Variants in LRRK1 observed in about 807,000 individuals in gnomAD.
LRRK1 encodes the protein leucine rich repeat kinase 1.
In LRRK1, 113 loss-of-function variants were observed where a neutral mutation model predicts 209.1. The observed-to-expected ratio is 0.54, with a 90% confidence interval of 0.46 to 0.63. The LOEUF is 0.63. Ranked by LOEUF, LRRK1 falls within the 30% of genes least tolerant of loss-of-function variation. The pLI is 0.00. For missense variants in LRRK1, 2,284 were observed against 2,632.2 expected, an observed-to-expected ratio of 0.87 and a Z score of 2.89; for synonymous variants, 1,144 against 1,099.7, an observed-to-expected ratio of 1.04 and a Z score of -0.80.
intron 17 of LRRK1, 115 bp downstream of exon 17, chr15:101,026,252 G>C: frequency 1.0e-6 from 1 of 966,052 alleles, no homozygotes. Flanking sequence ...CCCCTTTCCT[G>C]GCCAAGGGTG....
At chr15:100,995,833 T>C (rs1230621926) in intron 6 of LRRK1, among the ~76,000 whole-genome samples, 1 of 152,240 alleles carries the variant, frequency 6.6e-6, no homozygotes, top group African/African-American at 2.4e-5. Context: ...ATGGGGAAAT[T>C]ATTAATTTCC....
At chr15:100,972,361 AGAGT>A (rs1296360201) in intron 2 of LRRK1, among the ~76,000 whole-genome samples, 1,078 of 83,902 alleles carry the variant, frequency 0.013, 5 homozygotes, top group African/African-American at 0.045. Flanking sequence ...AGAGAGAGAG[AGAGT>A]GTGTGTGTGT....
chr15:101,071,534 C>T lies in LRRK1; in HGVS notation c.*2686C>T, dbSNP rs140052905. On this transcript the variant is annotated 3_prime_UTR_variant, in exon 34 of 34. Coordinates refer to ENST00000388948, the MANE Select transcript of LRRK1 (RefSeq NM_024652.6). ...CCTCCCGAGTAGCTGCGATTACAGG[C>T]GTGCACCACAATGCCTGGATAATTT... 2,977 of 152,340 alleles carry T rather than the reference C, an allele frequency of 0.02. 40 individuals are homozygous for T. The highest frequency in any genetic ancestry group is 0.029 in the Non-Finnish European group (1,961 of 68,078). 9.4% of individuals were successfully genotyped at this position (152,340 alleles called of 1,614,324 possible).
At position 101,058,626 on chromosome 15, in the gene LRRK1, G is replaced by GGGA. The variant is rs2035963983; in HGVS notation, c.4679+485_4679+486insGGA. On this transcript the variant is annotated intron_variant, in intron 29 of 33. Transcript: ENST00000388948. ...ATTGCAGAAGGGGCAACGGGGGGGG[G>GGGA]CGTCTAAACAGAGTTGGGGTTTTGC... 1.4e-5 allele frequency among the ~76,000 whole-genome samples: 2 copies of GGGA among 143,612 alleles called. 1 individual carries two copies. The highest frequency in any genetic ancestry group is 5.4e-5 in the African/African-American group (2 of 36,938). The allele number at this position is 143,612 out of a possible 152,430, so 94.2% of individuals were successfully genotyped here. A position where few individuals can be genotyped will look rare whatever the true frequency, so the allele number is the denominator to read the frequency against.
At chr15:101,067,318 G>A (rs1393932794) in intron 33 of LRRK1, 1 of 456,194 alleles carries the variant, frequency 2.2e-6, no homozygotes, top group Admixed American at 2.3e-5. Context: ...TTGCAGTGAT[G>A]TGAGGCTGGC....
At chr15:101,061,078 GT>G (rs2141153798) in intron 29 of LRRK1, 92 bp from the exon 30 acceptor site, 1 of 905,476 alleles carries the variant, frequency 1.1e-6, no homozygotes, top group South Asian at 1.4e-5. Context: ...AGCAGGGGAG[GT>G]AGACGAGGCT....
In LRRK1 at chr15:101,051,719, G is replaced by T; in HGVS notation, c.3448G>T (p.Ala1150Ser). 1 of 1,613,748 alleles carries T rather than the reference G, an allele frequency of 6.2e-7. No homozygotes were observed. The highest frequency in any genetic ancestry group is 1.7e-4 in the Middle Eastern group (1 of 6,060). Residue 1150 changes from alanine to serine, a missense_variant, in exon 24 of 34, where the codon GCC becomes TCC. Physicochemically the swap from Ala to Ser is moderately conservative, Grantham distance 99. Coordinates refer to ENST00000388948, the MANE Select transcript of LRRK1 (RefSeq NM_024652.6). ...LIDQWFPALT[A>S]TESDGTPLME... ...GCTCTGTCCTTATTTAGCCCTGACA[G>T]CCACAGAGAGCGACGGGACGCCACT... is the stretch of plus-strand genomic sequence containing the variant.
At chr15:101,036,086 CTGTT>C (rs1019713746) in intron 20 of LRRK1, among the ~76,000 whole-genome samples, 1 of 152,150 alleles carries the variant, frequency 6.6e-6, no homozygotes, top group Non-Finnish European at 1.5e-5. Context: ...TGCATTATCT[CTGTT>C]TGGGGATCTC....
chr15:101,064,061 G>A (rs78473311), intron 31 of LRRK1, among the ~76,000 whole-genome samples: 368 of 152,360 alleles, frequency 2.4e-3, no homozygotes, highest in African/African-American at 8.2e-3. Flanking sequence ...CCGCCAGCGC[G>A]AAGCCTGCAT....
intron 2 of LRRK1, among the ~76,000 whole-genome samples, chr15:100,946,063 C>T (rs1402463523): frequency 2.0e-5 from 3 of 152,058 alleles, no homozygotes; most frequent in Admixed American, 1.3e-4. Context: ...ATCAGGCCTA[C>T]CTAAGAACAC....
At chr15:101,025,168 G>T (rs535414704) in intron 16 of LRRK1, among the ~76,000 whole-genome samples, 1 of 152,260 alleles carries the variant, frequency 6.6e-6, no homozygotes, top group South Asian at 2.1e-4. Context: ...TAATTTCCCC[G>T]CTTCCCTTAA....
At chr15:100,983,887 A>G (rs1247894188) in intron 4 of LRRK1, 188 bp downstream of exon 4, 1 of 755,112 alleles carries the variant, frequency 1.3e-6, no homozygotes, top group Non-Finnish European at 2.4e-6. Context: ...CCATGAACTC[A>G]TAAGGGAAAT....
chr15:101,026,081 C>T lies in LRRK1; in HGVS notation c.2349C>T (p.Arg783=). 6.2e-7 allele frequency: 1 copy of T among 1,614,258 alleles called. No individual in the cohort carries two copies. Among genetic ancestry groups the T allele is most frequent in the Non-Finnish European group, 8.5e-7 (1 of 1,180,046 alleles). Residue 783 remains arginine, a synonymous_variant, in exon 17 of 34, where the codon CGC becomes CGT. Transcript: ENST00000388948. ...GTGCCTATGTGCTGGCACTCTGCCGCTCCCCCTCCGGCTCCAGGGCCACAG... is the reference window on the plus strand; with the variant it reads ...GTGCCTATGTGCTGGCACTCTGCCGTTCCCCCTCCGGCTCCAGGGCCACAG... ...TLRAYVLALC[R]SPSGSRATGF...
At position 100,983,594 on chromosome 15, in the gene LRRK1, A is replaced by G; in HGVS notation, c.328A>G (p.Arg110Gly). 6.2e-7 allele frequency: 1 copy of G among 1,612,102 alleles called. No individual in the cohort carries two copies. Among genetic ancestry groups the G allele is most frequent in the Non-Finnish European group, 8.5e-7 (1 of 1,178,690 alleles). ...GATGGTCCGCTACCTACTCAGCAAG[A>G]GACTGGTGGAGCTGCCCACCGAGCC... ...LEMVRYLLSK[R>G]LVELPTEPTD... The change falls in exon 4 of 34, where the codon AGA becomes GGA. Residue 110 changes from arginine (R) to glycine (G), a missense_variant. Around this residue, in one of 6 missense-constraint regions of LRRK1, gnomAD observed 134 missense variants for 191.7 expected, o/e 0.70. Coordinates refer to ENST00000388948, the MANE Select transcript of LRRK1 (RefSeq NM_024652.6).
At chr15:100,959,875 A>G (rs2042840645) in intron 2 of LRRK1, among the ~76,000 whole-genome samples, 1 of 151,966 alleles carries the variant, frequency 6.6e-6, no homozygotes, top group Non-Finnish European at 1.5e-5. Context: ...GCGGGTTTTC[A>G]CACAGTTCTC....
intron 2 of LRRK1, among the ~76,000 whole-genome samples, chr15:100,937,008 T>C (rs559516566): frequency 1.3e-5 from 2 of 152,364 alleles, no homozygotes; most frequent in Admixed American, 6.5e-5. Context: ...ACTTTGCCTA[T>C]AAAACCATAC....
At chr15:100,968,118 A>T (rs2030593539) in intron 2 of LRRK1, among the ~76,000 whole-genome samples, 3 of 152,082 alleles carry the variant, frequency 2.0e-5, no homozygotes, top group Admixed American at 2.0e-4. Context: ...ATATAAATGG[A>T]ATCATTTTTG....
At chr15:100,939,896 A>G (rs4075388) in intron 2 of LRRK1, among the ~76,000 whole-genome samples, 29,794 of 152,088 alleles carry the variant, frequency 0.2, 3,147 homozygotes, top group South Asian at 0.29. Context: ...TTTCCTTAGT[A>G]TCATTATGAA....
chr15:101,066,008 A>C lies in LRRK1; in HGVS notation c.5571A>C (p.Ser1857=), dbSNP rs2036510796. ...CCCGCCAGGCTGCCAGGTCCCCCTC[A>C]AGCCTCCCCAGCTCCCCAGCAAGTT... ...SPPRQAARSP[S]SLPSSPASSS... The change falls in exon 32 of 34, where the codon TCA becomes TCC. Residue 1857 remains serine (S), a synonymous_variant. Coordinates refer to ENST00000388948, the MANE Select transcript of LRRK1 (RefSeq NM_024652.6). The C allele has an allele frequency of 6.2e-7, 1 of 1,613,810 alleles. No homozygotes were observed.
Sources: gnomAD v4.1 joint callset for allele counts (sites outside exome capture counted in the v4.1 genomes callset) on GRCh38, gnomAD v4.1.1 for gene constraint, gnomAD v4.1.1 regional missense constraint, MANE v1.5 for transcripts, NCBI Gene and HGNC (gene_info 2026-07-23, HGNC 2026-07-21) for gene names.